TENM4: variants seen among roughly 807,000 people sequenced by gnomAD.
The protein encoded by TENM4 is teneurin transmembrane protein 4.
TENM4 carries 82 observed loss-of-function variants against 243.3 expected under a neutral mutation model. The ratio of observed to expected loss-of-function variants is 0.34; its 90% CI spans 0.28 to 0.40. TENM4 has a LOEUF of 0.40. Ranked by LOEUF, TENM4 falls within the 10% of genes least tolerant of loss-of-function variation. The pLI is 1.00. For synonymous variants in TENM4, 1,412 were observed against 1,456.3 expected (o/e 0.97, Z 0.69); for missense variants, 3,138 against 3,673.3 (o/e 0.85, Z 3.77).
At chr11:78,755,877 G>A (rs766949741) in intron 19 of TENM4, among the ~76,000 whole-genome samples, 8 of 152,156 alleles carry the variant, frequency 5.3e-5, no homozygotes, top group African/African-American at 1.2e-4. Flanking sequence ...CGAGGTGCAC[G>A]GTGACTGCTG....
At chr11:79,298,704 A>G (rs1413722016) in intron 1 of TENM4, among the ~76,000 whole-genome samples, 1 of 152,116 alleles carries the variant, frequency 6.6e-6, no homozygotes, top group Non-Finnish European at 1.5e-5. Flanking sequence ...CATGATCCTT[A>G]TAACCACCCT....
chr11:79,208,456 A>G (rs1026759347), intron 3 of TENM4, among the ~76,000 whole-genome samples: 2 of 152,190 alleles, frequency 1.3e-5, no homozygotes, highest in Admixed American at 6.5e-5. Flanking sequence ...GTTGTTGTAA[A>G]GATTAAATGA....
intron 26 of TENM4, among the ~76,000 whole-genome samples, chr11:78,710,445 G>A (rs1422102200): frequency 2.0e-5 from 3 of 152,220 alleles, no homozygotes; most frequent in Admixed American, 6.5e-5. Flanking sequence ...TGGTCAGGCT[G>A]GAGAGTGATT....
chr11:79,166,249 A>G (rs532033264), intron 3 of TENM4, among the ~76,000 whole-genome samples: 30 of 152,320 alleles, frequency 2.0e-4, no homozygotes, highest in Admixed American at 5.2e-4. Flanking sequence ...TTGTACTAAG[A>G]AAGTTCCATA....
At chr11:79,039,441 A>C (rs72949528) in intron 6 of TENM4, among the ~76,000 whole-genome samples, 16,966 of 152,290 alleles carry the variant, frequency 0.11, 1,111 homozygotes, top group Middle Eastern at 0.14. Flanking sequence ...AGCCAGTTTT[A>C]GGCTCTGTGG....
chr11:79,253,063 GGAAT>G (rs1326447258), intron 2 of TENM4, among the ~76,000 whole-genome samples: 1 of 152,194 alleles, frequency 6.6e-6, no homozygotes, highest in Non-Finnish European at 1.5e-5. Flanking sequence ...GCTCCAAGAA[GGAAT>G]GCAACTTACC....
rs1001969207 is a variant in TENM4 at position 78,729,448 on chromosome 11, G to T, written c.3334C>A (p.Leu1112Met). ...TTGTCCCAAATGAAATAATAGGACA[G>T]GTCTGGGGCTGCAGCGAACCACTTC... ...FRKWFAAAPD[L>M]SYYFIWDKTD... The change falls in exon 22 of 34, where the codon CTG (leucine) becomes ATG (methionine). Residue 1112 changes from leucine (L) to methionine (M), a missense_variant. Leu to Met is a conservative substitution (Grantham distance 15, BLOSUM62 2). Transcript: ENST00000278550. 6.2e-7 allele frequency: 1 copy of T among 1,606,486 alleles called. No homozygotes were observed. Among genetic ancestry groups the T allele is most frequent in the Non-Finnish European group, 8.5e-7 (1 of 1,176,152 alleles).
intron 17 of TENM4, among the ~76,000 whole-genome samples, chr11:78,775,117 G>C (rs992238670): frequency 6.6e-6 from 1 of 152,130 alleles, no homozygotes. Flanking sequence ...TATATTAAAG[G>C]CTCCAAGAAG....
In TENM4 at chr11:78,670,253, C is replaced by A; in HGVS notation, c.6092G>T (p.Ser2031Ile). 6.2e-7 allele frequency: 1 copy of A among 1,613,932 alleles called. No homozygotes were observed. ...GCCTGCCGTCTCGTCATAGGTGAAA[C>A]TGACCTTGGTGGTGTCATAGAGCGT... is the stretch of plus-strand genomic sequence containing the variant. ...AETLYDTTKV[S>I]FTYDETAGML... The change falls in exon 32 of 34, where the codon AGT (serine) becomes ATT (isoleucine). Residue 2031 changes from serine to isoleucine, a missense_variant. This residue lies in a region of TENM4 where 2,467 missense variants were observed against 3,059.1 expected (regional missense o/e 0.81). Coordinates refer to ENST00000278550, the MANE Select transcript of TENM4 (RefSeq NM_001098816.3).
At chr11:79,427,037 G>A (rs1272718905) in intron 1 of TENM4, among the ~76,000 whole-genome samples, 1 of 152,146 alleles carries the variant, frequency 6.6e-6, no homozygotes, top group Non-Finnish European at 1.5e-5. Context: ...GAGGTGAAGT[G>A]GCAGAGGGGG....
At chr11:79,304,033 C>T (rs1453027573) in intron 1 of TENM4, among the ~76,000 whole-genome samples, 1 of 152,100 alleles carries the variant, frequency 6.6e-6, no homozygotes, top group Non-Finnish European at 1.5e-5. Flanking sequence ...CTGGTAAGCC[C>T]TGGGTACTTT....
intron 12 of TENM4, among the ~76,000 whole-genome samples, chr11:78,845,601 A>C (rs1363566346): frequency 2.0e-5 from 3 of 152,228 alleles, no homozygotes; most frequent in African/African-American, 7.2e-5. Flanking sequence ...TATTCCTAAG[A>C]GGGTGTTACC....
chr11:78,703,263 G>A (rs1390058306), intron 27 of TENM4, among the ~76,000 whole-genome samples: 1 of 152,132 alleles, frequency 6.6e-6, no homozygotes, highest in Non-Finnish European at 1.5e-5. Context: ...GCTCACCTAG[G>A]AGCTGAGCAT....
chr11:79,140,142 C>T (rs2135027002), intron 4 of TENM4, among the ~76,000 whole-genome samples: 1 of 152,058 alleles, frequency 6.6e-6, no homozygotes, highest in South Asian at 2.1e-4. Context: ...AACTTCAACT[C>T]CCCAGAATCA....
intron 20 of TENM4, 44 bp from the exon 21 acceptor site, chr11:78,732,621 A>C: frequency 6.5e-7 from 1 of 1,543,172 alleles, no homozygotes; most frequent in Non-Finnish European, 8.8e-7. Context: ...GAGCAGGAAG[A>C]GCAGGAACCA....
chr11:79,418,627 T>C (rs1169484766), intron 1 of TENM4, among the ~76,000 whole-genome samples: 1 of 152,234 alleles, frequency 6.6e-6, no homozygotes, highest in Admixed American at 6.5e-5. Flanking sequence ...TCCCTGCAAC[T>C]GGAATGTCCT....
chr11:78,891,649 CA>C (rs899734665), intron 7 of TENM4, among the ~76,000 whole-genome samples: 5 of 152,190 alleles, frequency 3.3e-5, no homozygotes, highest in African/African-American at 9.7e-5. Flanking sequence ...CTCAAATCTT[CA>C]AAATGGCTAT....
chr11:79,226,000 G>T (rs1864257607), intron 2 of TENM4, among the ~76,000 whole-genome samples: 1 of 152,102 alleles, frequency 6.6e-6, no homozygotes, highest in Admixed American at 6.5e-5. Flanking sequence ...GTCCAAACAT[G>T]TCCCCAGAAG....
chr11:79,110,870 A>G (rs1480131127), intron 4 of TENM4, among the ~76,000 whole-genome samples: 1 of 152,176 alleles, frequency 6.6e-6, no homozygotes, highest in Non-Finnish European at 1.5e-5. Flanking sequence ...GCTCTGCACT[A>G]TGCAAGATCT....
Sources: gnomAD v4.1 joint callset for allele counts (sites outside exome capture counted in the v4.1 genomes callset) on GRCh38, gnomAD v4.1.1 for gene constraint, gnomAD v4.1.1 regional missense constraint, MANE v1.5 for transcripts, NCBI Gene and HGNC (gene_info 2026-07-23, HGNC 2026-07-21) for gene names.